PTPRD: variants seen among roughly 807,000 people sequenced by gnomAD.
PTPRD encodes the protein protein tyrosine phosphatase receptor type D, also known as receptor-type tyrosine-protein phosphatase delta.
PTPRD carries 34 observed loss-of-function variants against 214.5 expected under a neutral mutation model. That is an observed-to-expected ratio of 0.16 (90% CI 0.12 to 0.21). The LOEUF is 0.21. Among genes scored for constraint, PTPRD ranks in the 10% least tolerant of loss-of-function variants. The probability of loss-of-function intolerance (pLI) is 1.00; values close to 1 mark genes in which losing one functional copy is unlikely to be tolerated. For missense variants in PTPRD, 2,545 were observed against 2,398.7 expected (o/e 1.06, Z -1.27); for synonymous variants, 1,128 against 845.7 (o/e 1.33, Z -5.79).
rs559104103 is a variant in PTPRD at position 10,585,624 on chromosome 9, T to A, written c.-600+26774A>T. ...TGTAATGTTTTATACGTTGCTTTTT[T>A]AAAAAATATAGTGAAGGGGGAAATT... is the stretch of plus-strand genomic sequence containing the variant. On this transcript the variant is annotated intron_variant, in intron 2 of 45. Transcript: ENST00000381196. Among the ~76,000 whole-genome samples, 7 of 152,140 alleles carry A rather than the reference T, an allele frequency of 4.6e-5. No individual in the cohort carries two copies. The East Asian group carries it at 5.8e-4, about 13-fold the overall frequency.
chr9:8,750,996 C>T (rs551839583), intron 11 of PTPRD, among the ~76,000 whole-genome samples: 1 of 152,276 alleles, frequency 6.6e-6, no homozygotes, highest in African/African-American at 2.4e-5. Context: ...TTTACTTGGA[C>T]ATAGCCATTA....
intron 11 of PTPRD, among the ~76,000 whole-genome samples, chr9:8,856,491 T>G (rs894153811): frequency 6.6e-6 from 1 of 152,208 alleles, no homozygotes; most frequent in Non-Finnish European, 1.5e-5. Context: ...GTTCAAACTG[T>G]GTGAGCTACA....
chr9:10,589,817 T>C (rs1470269132), intron 2 of PTPRD, among the ~76,000 whole-genome samples: 1 of 152,032 alleles, frequency 6.6e-6, no homozygotes, highest in South Asian at 2.1e-4. Context: ...TGACTTTTGA[T>C]TGAATTTACA....
intron 11 of PTPRD, among the ~76,000 whole-genome samples, chr9:8,799,199 A>G (rs2096518315): frequency 6.6e-6 from 1 of 152,224 alleles, no homozygotes. Flanking sequence ...GTATTTATTT[A>G]CACAGATAAT....
intron 3 of PTPRD, among the ~76,000 whole-genome samples, chr9:10,124,602 G>C (rs1003958818): frequency 5.3e-5 from 8 of 152,026 alleles, no homozygotes; most frequent in African/African-American, 1.9e-4. Context: ...TATGTCTCCT[G>C]CACTTTTTCT....
At chr9:9,714,109 A>C (rs904398961) in intron 7 of PTPRD, among the ~76,000 whole-genome samples, 24 of 151,320 alleles carry the variant, frequency 1.6e-4, no homozygotes, top group African/African-American at 5.1e-4. Flanking sequence ...AAAAAAAAAA[A>C]ATTTGAATAC....
At chr9:10,231,624 C>A (rs1292401405) in intron 3 of PTPRD, among the ~76,000 whole-genome samples, 2 of 151,956 alleles carry the variant, frequency 1.3e-5, no homozygotes, top group Admixed American at 1.3e-4. Context: ...GTACCCTTAA[C>A]ACTTAGGCAA....
chr9:9,901,661 A>G (rs1299275907), intron 5 of PTPRD, among the ~76,000 whole-genome samples: 3 of 152,176 alleles, frequency 2.0e-5, no homozygotes, highest in Admixed American at 6.5e-5. Flanking sequence ...TGAGTTGATT[A>G]TATTAGTTAG....
chr9:9,961,982 A>C (rs1192781606), intron 4 of PTPRD, among the ~76,000 whole-genome samples: 1 of 152,020 alleles, frequency 6.6e-6, no homozygotes, highest in Admixed American at 6.6e-5. Flanking sequence ...ATTTAAAAAT[A>C]AGGAAAAAAA....
intron 6 of PTPRD, among the ~76,000 whole-genome samples, chr9:9,765,367 G>A (rs2098698125): frequency 6.6e-6 from 1 of 152,078 alleles, no homozygotes; most frequent in Non-Finnish European, 1.5e-5. Flanking sequence ...GATAGAACAG[G>A]CATCAATTAC....
At chr9:9,642,000 G>A (rs1320187801) in intron 7 of PTPRD, among the ~76,000 whole-genome samples, 1 of 151,238 alleles carries the variant, frequency 6.6e-6, no homozygotes, top group Admixed American at 6.6e-5. Context: ...CAATAGCAAA[G>A]ACTTGGAACC....
intron 5 of PTPRD, among the ~76,000 whole-genome samples, chr9:9,819,834 T>C (rs777871700): frequency 6.6e-6 from 1 of 152,178 alleles, no homozygotes; most frequent in South Asian, 2.1e-4. Flanking sequence ...TTTTTTTTTC[T>C]TTTATGGCTA....
At chr9:10,453,690 AT>A (rs201142233) in intron 2 of PTPRD, among the ~76,000 whole-genome samples, 8 of 150,464 alleles carry the variant, frequency 5.3e-5, no homozygotes, top group South Asian at 2.1e-4. Context: ...CTCACCAGTT[AT>A]TTTTTTTTGT....
At chr9:10,056,031 G>A (rs1589868013) in intron 3 of PTPRD, among the ~76,000 whole-genome samples, 1 of 143,910 alleles carries the variant, frequency 6.9e-6, no homozygotes, top group East Asian at 1.9e-4. Flanking sequence ...TTAAGAATAT[G>A]TCATTAAAGA....
chr9:8,625,966 A>T (rs1020918736), intron 14 of PTPRD, among the ~76,000 whole-genome samples: 3 of 151,766 alleles, frequency 2.0e-5, no homozygotes, highest in African/African-American at 7.3e-5. Context: ...TTAATTCACA[A>T]GTCATTGTTT....
chr9:9,000,690 A>G (rs531399013), intron 11 of PTPRD, among the ~76,000 whole-genome samples: 2 of 151,986 alleles, frequency 1.3e-5, no homozygotes, highest in Non-Finnish European at 2.9e-5. Context: ...GATGGCTATT[A>G]TGCACATCTG....
chr9:9,083,949 T>C, intron 10 of PTPRD, among the ~76,000 whole-genome samples: 1 of 152,124 alleles, frequency 6.6e-6, no homozygotes, highest in East Asian at 1.9e-4. Flanking sequence ...TTTTACACTG[T>C]TGGTGGGAGT....
chr9:9,510,285 C>CT (rs776621266), intron 8 of PTPRD, among the ~76,000 whole-genome samples: 3 of 151,066 alleles, frequency 2.0e-5, no homozygotes, highest in East Asian at 1.9e-4. Context: ...AATAGTATCT[C>CT]TTTTTTTTAA....
intron 7 of PTPRD, among the ~76,000 whole-genome samples, chr9:9,729,062 A>G (rs1399976081): frequency 6.6e-6 from 1 of 152,132 alleles, no homozygotes. Context: ...GTCTTTGGAA[A>G]CGTGGCTCTA....
Sources: allele counts gnomAD v4.1 joint callset (sites outside exome capture counted in the v4.1 genomes callset), GRCh38; gene constraint gnomAD v4.1.1; transcripts MANE v1.5; gene names NCBI Gene and HGNC (gene_info 2026-07-23, HGNC 2026-07-21).